The following HIVEP1 variants were observed in gnomAD, a reference collection of about 807,000 sequenced individuals.
The protein encoded by HIVEP1 is zinc finger protein 40.
HIVEP1 carries 36 observed loss-of-function variants against 180.0 expected under a neutral mutation model. That is an observed-to-expected ratio of 0.20 (90% confidence interval 0.15 to 0.26). HIVEP1 has a LOEUF of 0.26. HIVEP1 is among the 10% of genes least tolerant of loss of function. The pLI, the probability that HIVEP1 is intolerant of heterozygous loss-of-function variation, is 1.00. For missense variants in HIVEP1, 3,143 were observed against 3,268.7 expected, an observed-to-expected ratio of 0.96 and a Z score of 0.94; for synonymous variants, 1,239 against 1,239.0, an observed-to-expected ratio of 1.00 and a Z score of 0.00.
the HIVEP1 span, among the ~76,000 whole-genome samples, chr6:12,204,016 G>T: frequency 6.6e-6 from 1 of 152,088 alleles, no homozygotes; most frequent in Non-Finnish European, 1.5e-5. Flanking sequence ...GGCGGAGGTT[G>T]CAGTGAGCTG....
In HIVEP1 at chr6:12,135,898, G is replaced by A. The variant is rs764987692; in HGVS notation, c.6487+6G>A. 9 of 1,548,614 alleles carry A rather than the reference G, an allele frequency of 5.8e-6. No individual in the cohort carries two copies. The highest frequency in any genetic ancestry group is 3.4e-5 in the Admixed American group (2 of 58,404). ...ACAGGATACAGAAGAATCAGGTAAGGCTTTATACCATATTTTTCATAAATG... is the reference window on the plus strand; with the variant it reads ...ACAGGATACAGAAGAATCAGGTAAGACTTTATACCATATTTTTCATAAATG... On this transcript the variant is annotated splice_donor_region_variant and intron_variant, in intron 7 of 8. Transcript: ENST00000379388.
Position 12,079,540 on chromosome 6 carries a change from A to G in HIVEP1, c.41-9644A>G, listed in dbSNP as rs376168130. Among the ~76,000 whole-genome samples the G allele has an allele frequency of 7.2e-5, 11 of 152,290 alleles. No homozygotes were observed. In the East Asian group the frequency reaches 1.7e-3, roughly 24 times the overall value. On this transcript the variant is annotated intron_variant, in intron 2 of 8. Transcript: ENST00000379388. The stretch of plus-strand genomic sequence containing the variant: ...GCTGCTGCCCCTGGTACTTGATAAA[A>G]TATTGCTTCGAAGAGCTGGCTGATA...
At chr6:12,080,908 C>T (rs1561921044) in intron 2 of HIVEP1, among the ~76,000 whole-genome samples, 1 of 152,084 alleles carries the variant, frequency 6.6e-6, no homozygotes, top group East Asian at 1.9e-4. Flanking sequence ...TGTCCATAAC[C>T]ACTCTGGATC....
At chr6:12,194,455 C>G in the HIVEP1 span, among the ~76,000 whole-genome samples, 1 of 152,104 alleles carries the variant, frequency 6.6e-6, no homozygotes, top group Non-Finnish European at 1.5e-5. Flanking sequence ...CAGGAGGTCT[C>G]TGATAAACTC....
At chr6:12,182,022 T>A in the HIVEP1 span, among the ~76,000 whole-genome samples, 1 of 152,176 alleles carries the variant, frequency 6.6e-6, no homozygotes, top group Admixed American at 6.5e-5. Context: ...TACCCAGATA[T>A]CCAAATTCAT....
rs1030925606 is a variant in HIVEP1 at position 12,015,469 on chromosome 6, A to G, written c.-103-57A>G. 3 of 614,302 alleles carry G rather than the reference A, an allele frequency of 4.9e-6. No homozygotes were observed. In the African/African-American group the frequency reaches 5.6e-5, roughly 11 times the overall value. The allele number at this position is 614,302 out of a possible 1,614,324, so 38.1% of individuals were successfully genotyped here. On this transcript the variant is annotated intron_variant, in intron 1 of 8. Transcript: ENST00000379388. Reference sequence around the variant, plus strand: ...TGCTCTGCTAGGCAGTAACTTTTAAAGTATCTTTCTCCTCTGAAGGTAGTA... The same window carrying G: ...TGCTCTGCTAGGCAGTAACTTTTAAGGTATCTTTCTCCTCTGAAGGTAGTA...
chr6:12,202,473 A>G, the HIVEP1 span, among the ~76,000 whole-genome samples: 1 of 152,154 alleles, frequency 6.6e-6, no homozygotes, highest in Non-Finnish European at 1.5e-5. Context: ...ATTCTACTTC[A>G]TAATTTGGAA....
chr6:12,118,136 C>CT lies in HIVEP1; in HGVS notation c.95-1750dup, dbSNP rs201847516. Among the ~76,000 whole-genome samples the CT allele has an allele frequency of 0.01, 277 of 27,384 alleles. No individual in the cohort carries two copies. The Middle Eastern group carries it at 0.11, about 11-fold the overall frequency. The allele number at this position is 27,384 out of a possible 152,430, so 18.0% of individuals were successfully genotyped here. ...TCAAATATTTTAGTTATGAGACCCC[C>CT]TTTTGTTTTTTTTTTTATTATGGTG... On this transcript the variant is annotated intron_variant, in intron 3 of 8. Coordinates refer to ENST00000379388, the MANE Select transcript of HIVEP1 (RefSeq NM_002114.4).
chr6:12,060,071 T>C (rs1771128881), intron 2 of HIVEP1, among the ~76,000 whole-genome samples: 1 of 152,254 alleles, frequency 6.6e-6, no homozygotes, highest in African/African-American at 2.4e-5. Flanking sequence ...ACCACGTTTA[T>C]ATTGTTCACC....
At chr6:12,064,121 A>G (rs1217844046) in intron 2 of HIVEP1, among the ~76,000 whole-genome samples, 1 of 152,172 alleles carries the variant, frequency 6.6e-6, no homozygotes, top group Non-Finnish European at 1.5e-5. Flanking sequence ...TCTACTTGTA[A>G]ACTAAATAAT....
chr6:12,180,492 C>T, the HIVEP1 span, among the ~76,000 whole-genome samples: 1 of 152,222 alleles, frequency 6.6e-6, no homozygotes, highest in Non-Finnish European at 1.5e-5. Flanking sequence ...ATTTAAAAAT[C>T]ACCTACGGAT....
chr6:12,052,701 AT>A (rs1361439906), intron 2 of HIVEP1, among the ~76,000 whole-genome samples: 2 of 152,234 alleles, frequency 1.3e-5, no homozygotes, highest in African/African-American at 4.8e-5. Context: ...CAAACTAGGA[AT>A]TGAGCCTCAG....
At chr6:12,179,833 T>G in the HIVEP1 span, among the ~76,000 whole-genome samples, 1 of 152,006 alleles carries the variant, frequency 6.6e-6, no homozygotes, top group Non-Finnish European at 1.5e-5. Context: ...AATAATGTTT[T>G]GTTTATTTAT....
intron 7 of HIVEP1, among the ~76,000 whole-genome samples, chr6:12,151,638 C>A (rs1457336083): frequency 6.6e-6 from 1 of 152,118 alleles, no homozygotes; most frequent in Non-Finnish European, 1.5e-5. Context: ...TAGGTTTAAA[C>A]CTGGAGGGTG....
intron 3 of HIVEP1, among the ~76,000 whole-genome samples, chr6:12,119,045 A>G (rs59971934): frequency 0.05 from 7,555 of 152,308 alleles, 207 homozygotes; most frequent in African/African-American, 0.073. Context: ...TACCAAGCCA[A>G]TCTAGGTCCA....
At chr6:12,129,929 A>AAAGT in intron 5 of HIVEP1, 37 bp downstream of exon 5, 1 of 1,387,944 alleles carries the variant, frequency 7.2e-7, no homozygotes, top group Non-Finnish European at 1.0e-6. Flanking sequence ...GTACATTTAA[A>AAAGT]CTGACTTTTT....
Position 12,161,569 on chromosome 6 carries a change from A to T in HIVEP1, c.6618A>T (p.Thr2206=). The stretch of plus-strand genomic sequence containing the variant: ...AGGCTGAATCAGTCCTGTCAGCCAC[A>T]CCCTCAGTCACAGCTAGCCCGCAGC... ...DSQAESVLSA[T]PSVTASPQHL... is the part of the protein sequence containing the mutation. The change falls in exon 8 of 9, where the codon ACA becomes ACT. Residue 2206 remains threonine, a synonymous_variant. Coordinates refer to ENST00000379388, the MANE Select transcript of HIVEP1 (RefSeq NM_002114.4). 3.1e-6 allele frequency: 5 copies of T among 1,614,094 alleles called. No homozygotes were observed. The highest frequency in any genetic ancestry group is 4.2e-6 in the Non-Finnish European group (5 of 1,180,022).
intron 2 of HIVEP1, among the ~76,000 whole-genome samples, chr6:12,024,346 C>T (rs928700033): frequency 1.3e-5 from 2 of 150,642 alleles, no homozygotes; most frequent in African/African-American, 4.9e-5. Flanking sequence ...TATTCTAAGG[C>T]TGTGCTGTGA....
At chr6:12,155,655 A>G (rs1001621722) in intron 7 of HIVEP1, among the ~76,000 whole-genome samples, 2 of 152,202 alleles carry the variant, frequency 1.3e-5, no homozygotes, top group Non-Finnish European at 2.9e-5. Context: ...TATCCAGTCT[A>G]TCATTGATGG....
Sources: allele counts gnomAD v4.1 joint callset (sites outside exome capture counted in the v4.1 genomes callset), GRCh38; gene constraint gnomAD v4.1.1; transcripts MANE v1.5; gene names NCBI Gene and HGNC (gene_info 2026-07-23, HGNC 2026-07-21).